Variants in CACNA2D1 observed in about 807,000 individuals in gnomAD.
CACNA2D1 encodes the protein calcium voltage-gated channel auxiliary subunit alpha2delta 1.
A neutral mutation model predicts 171.5 loss-of-function variants in CACNA2D1; 53 were observed. The ratio of observed to expected loss-of-function variants is 0.31; its 90% confidence interval spans 0.25 to 0.39. The LOEUF (loss-of-function observed/expected upper bound fraction) is 0.39, where lower values mean the gene tolerates loss of function less well. Among genes scored for constraint, CACNA2D1 ranks in the 10% least tolerant of loss-of-function variants. CACNA2D1 has a pLI of 1.00. For synonymous variants in CACNA2D1, 442 were observed against 443.1 expected, an observed-to-expected ratio of 1.00 and a Z score of 0.03; for missense variants, 903 against 1,299.8, an observed-to-expected ratio of 0.69 and a Z score of 4.69.
At chr7:82,216,583 A>G (rs1187136314) in intron 3 of CACNA2D1, among the ~76,000 whole-genome samples, 8 of 152,116 alleles carry the variant, frequency 5.3e-5, no homozygotes, top group Admixed American at 5.2e-4. Flanking sequence ...CCTTTTTTCA[A>G]AAATCAAACT....
At chr7:82,341,616 C>T (rs1818643445) in intron 2 of CACNA2D1, among the ~76,000 whole-genome samples, 1 of 151,984 alleles carries the variant, frequency 6.6e-6, no homozygotes, top group Admixed American at 6.6e-5. Context: ...AGCATATTGT[C>T]GATTGTGTTT....
At chr7:82,136,173 G>A (rs1206112765) in intron 5 of CACNA2D1, among the ~76,000 whole-genome samples, 3 of 152,136 alleles carry the variant, frequency 2.0e-5, no homozygotes, top group South Asian at 2.1e-4. Flanking sequence ...TTCAAAGACT[G>A]TACAAGCAGG....
At position 82,032,078 on chromosome 7, in the gene CACNA2D1, T is replaced by C. The variant is rs559686857; in HGVS notation, c.1143+719A>G. ...TCAGAAAATTGAAATAAGCTGATAATAGGACGGCTAGAAAAAGTAGTTAGA... is the reference window on the plus strand; with the variant it reads ...TCAGAAAATTGAAATAAGCTGATAACAGGACGGCTAGAAAAAGTAGTTAGA... On this transcript the variant is annotated intron_variant, in intron 12 of 38. Transcript: ENST00000356860. Among the ~76,000 whole-genome samples, 11 of 152,056 alleles carry C rather than the reference T, an allele frequency of 7.2e-5. No homozygotes were observed. In the South Asian group the frequency reaches 2.3e-3, roughly 31 times the overall value.
intron 1 of CACNA2D1, among the ~76,000 whole-genome samples, chr7:82,357,521 C>T (rs534068309): frequency 3.8e-4 from 58 of 152,044 alleles, no homozygotes; most frequent in South Asian, 6.2e-4. Context: ...GTCTTTCCTT[C>T]CTATATTTGA....
chr7:82,321,643 G>A (rs1225778785), intron 3 of CACNA2D1, among the ~76,000 whole-genome samples: 2 of 152,000 alleles, frequency 1.3e-5, no homozygotes, highest in Non-Finnish European at 2.9e-5. Flanking sequence ...ATCATTATGC[G>A]CCAAAAACAC....
chr7:81,987,467 T>C (rs1296326881), intron 21 of CACNA2D1, among the ~76,000 whole-genome samples: 1 of 152,158 alleles, frequency 6.6e-6, no homozygotes, highest in Non-Finnish European at 1.5e-5. Context: ...AACTCATTTA[T>C]CTCCATAAAA....
intron 38 of CACNA2D1, among the ~76,000 whole-genome samples, chr7:81,955,725 T>G (rs1016584835): frequency 6.6e-6 from 1 of 151,734 alleles, no homozygotes; most frequent in Non-Finnish European, 1.5e-5. Flanking sequence ...ATCAAAGAAG[T>G]AAAGCAAGTC....
chr7:82,163,810 G>C (rs1386726567), intron 4 of CACNA2D1, among the ~76,000 whole-genome samples: 1 of 151,956 alleles, frequency 6.6e-6, no homozygotes, highest in African/African-American at 2.4e-5. Context: ...TCCATCAAGA[G>C]ACTGTGCCAA....
At chr7:82,302,620 T>G (rs1277980934) in intron 3 of CACNA2D1, among the ~76,000 whole-genome samples, 1 of 151,872 alleles carries the variant, frequency 6.6e-6, no homozygotes, top group African/African-American at 2.4e-5. Flanking sequence ...TCCATGTTGG[T>G]CAGGCTGGTC....
At chr7:82,436,253 T>C (rs920803212) in intron 1 of CACNA2D1, among the ~76,000 whole-genome samples, 6 of 152,196 alleles carry the variant, frequency 3.9e-5, no homozygotes, top group African/African-American at 1.4e-4. Context: ...AAATAAAATG[T>C]ACTATTTATT....
chr7:82,111,501 G>GC (rs1390592048), intron 6 of CACNA2D1, among the ~76,000 whole-genome samples: 3 of 137,794 alleles, frequency 2.2e-5, no homozygotes, highest in Non-Finnish European at 4.6e-5. Flanking sequence ...AGACTGGAGT[G>GC]CAGTGGCACA....
intron 1 of CACNA2D1, among the ~76,000 whole-genome samples, chr7:82,443,119 C>G (rs2129460278): frequency 6.6e-6 from 1 of 152,252 alleles, no homozygotes; most frequent in South Asian, 2.1e-4. Context: ...TCGGCGGGCG[C>G]TTCCCGGGAC....
intron 1 of CACNA2D1, among the ~76,000 whole-genome samples, chr7:82,428,333 C>G (rs1161191049): frequency 7.1e-6 from 1 of 141,694 alleles, no homozygotes; most frequent in Non-Finnish European, 1.5e-5. Context: ...CCATCTTCAG[C>G]TTCAGACAAA....
At chr7:82,067,707 C>T (rs77972684) in intron 7 of CACNA2D1, among the ~76,000 whole-genome samples, 2,635 of 152,134 alleles carry the variant, frequency 0.017, 66 homozygotes, top group African/African-American at 0.06. Context: ...TGAGAGTCTG[C>T]GATGTAAAAT....
chr7:82,418,847 G>T (rs549252211), intron 1 of CACNA2D1, among the ~76,000 whole-genome samples: 1 of 152,154 alleles, frequency 6.6e-6, no homozygotes, highest in African/African-American at 2.4e-5. Flanking sequence ...GGCTGGGCAC[G>T]GTGGCTCACG....
chr7:82,125,828 G>A (rs1017847851), intron 5 of CACNA2D1, among the ~76,000 whole-genome samples: 50 of 152,182 alleles, frequency 3.3e-4, no homozygotes, highest in African/African-American at 1.2e-3. Context: ...TTTGTATTTT[G>A]TGCATGCATT....
chr7:82,201,430 AG>A (rs1799423469), intron 3 of CACNA2D1, among the ~76,000 whole-genome samples: 1 of 152,068 alleles, frequency 6.6e-6, no homozygotes, highest in Non-Finnish European at 1.5e-5. Flanking sequence ...ACAATACATT[AG>A]GTGTCTGGAT....
At chr7:82,198,906 T>C (rs1799126783) in intron 3 of CACNA2D1, among the ~76,000 whole-genome samples, 2 of 152,216 alleles carry the variant, frequency 1.3e-5, no homozygotes, top group Middle Eastern at 3.4e-3. Context: ...CATTTTGGCT[T>C]TGTGAAGAGT....
At position 82,443,551 on chromosome 7, in the gene CACNA2D1, G is replaced by C; in HGVS notation, c.-92C>G. On this transcript the variant is annotated 5_prime_UTR_variant, in exon 1 of 39. Transcript: ENST00000356860. ...GGGCGGAGGAAGAGCAGCACACGCC[G>C]CCGGGACCGCGGGCGTCTGGAGGGC... is the stretch of plus-strand genomic sequence containing the variant. The C allele has an allele frequency of 6.6e-7, 1 of 1,526,004 alleles. No individual in the cohort carries two copies. The highest frequency in any genetic ancestry group is 1.2e-5 in the South Asian group (1 of 82,194). The allele number at this position is 1,526,004 out of a possible 1,614,324, so 94.5% of individuals were successfully genotyped here.
Sources: gnomAD v4.1 joint callset for allele counts (sites outside exome capture counted in the v4.1 genomes callset) on GRCh38, gnomAD v4.1.1 for gene constraint, MANE v1.5 for transcripts, NCBI Gene and HGNC (gene_info 2026-07-23, HGNC 2026-07-21) for gene names.